MYLK3: variants seen among roughly 807,000 people sequenced by gnomAD.
The protein encoded by MYLK3 is MLC kinase.
Under a neutral mutation model 76.3 loss-of-function variants are expected in MYLK3, and 55 were observed. The ratio of observed to expected loss-of-function variants is 0.72; its 90% CI spans 0.58 to 0.90. The LOEUF (loss-of-function observed/expected upper bound fraction) is 0.90. MYLK3 is among the 40% of genes least tolerant of loss of function. The pLI is 0.00. For synonymous variants in MYLK3, 416 were observed against 425.4 expected, an observed-to-expected ratio of 0.98 and a Z score of 0.27; for missense variants, 973 against 1,053.6, an observed-to-expected ratio of 0.92 and a Z score of 1.06.
At chr16:46,716,518 T>C (rs1966742350) in intron 9 of MYLK3, among the ~76,000 whole-genome samples, 1 of 151,596 alleles carries the variant, frequency 6.6e-6, no homozygotes, top group Non-Finnish European at 1.5e-5. Context: ...TGTGTGTGTG[T>C]GTGTGTGTGT....
At chr16:46,741,423 A>G (rs1170341137) in intron 1 of MYLK3, among the ~76,000 whole-genome samples, 3 of 152,238 alleles carry the variant, frequency 2.0e-5, no homozygotes, top group Non-Finnish European at 1.5e-5. Context: ...CAGAGCCATC[A>G]GTATGCTTAG....
At chr16:46,743,296 T>C (rs968866601) in intron 1 of MYLK3, among the ~76,000 whole-genome samples, 41 of 152,316 alleles carry the variant, frequency 2.7e-4, no homozygotes, top group Admixed American at 1.9e-3. Flanking sequence ...CGCCAGTTGC[T>C]AGGATTTAAT....
intron 3 of MYLK3, among the ~76,000 whole-genome samples, chr16:46,736,465 G>T (rs993776328): frequency 6.6e-6 from 1 of 152,218 alleles, no homozygotes. Flanking sequence ...CCTGAATTCA[G>T]CCAAGGGTTG....
chr16:46,734,172 G>A (rs1008611507), intron 3 of MYLK3, among the ~76,000 whole-genome samples: 2 of 152,132 alleles, frequency 1.3e-5, no homozygotes, highest in African/African-American at 2.4e-5. Context: ...GCCCAGTGAT[G>A]GATAATACAT....
At chr16:46,717,142 G>A (rs1056493805) in intron 9 of MYLK3, among the ~76,000 whole-genome samples, 9 of 152,200 alleles carry the variant, frequency 5.9e-5, no homozygotes, top group African/African-American at 1.7e-4. Context: ...ACCACTGTCT[G>A]GGGGAAGAGA....
chr16:46,745,776 G>T (rs1205438582), intron 1 of MYLK3, among the ~76,000 whole-genome samples: 1 of 152,042 alleles, frequency 6.6e-6, no homozygotes, highest in Non-Finnish European at 1.5e-5. Flanking sequence ...CAGTTCTGGT[G>T]CTACAGATTG....
chr16:46,711,493 T>G (rs1336502185), intron 10 of MYLK3: 3 of 209,336 alleles, frequency 1.4e-5, no homozygotes, highest in African/African-American at 7.6e-5. Context: ...TTCGGTGCAC[T>G]CCAGCCTCAT....
Position 46,712,784 on chromosome 16 carries a change from G to T in MYLK3, c.1986-8C>A. Reference sequence around the variant, plus strand: ...TTCTCTCGAGGCTTGTACCTGGGGAGAAGGGGAGGGTACAAAGAAGCATGG... The same window carrying T: ...TTCTCTCGAGGCTTGTACCTGGGGATAAGGGGAGGGTACAAAGAAGCATGG... On this transcript the variant is annotated splice_region_variant and splice_polypyrimidine_tract_variant and intron_variant, in intron 9 of 12. Transcript: ENST00000394809. The T allele has an allele frequency of 6.3e-7, 1 of 1,582,664 alleles. No individual in the cohort carries two copies. The highest frequency in any genetic ancestry group is 8.6e-7 in the Non-Finnish European group (1 of 1,165,254).
intron 9 of MYLK3, among the ~76,000 whole-genome samples, chr16:46,719,699 T>C (rs1180936868): frequency 6.6e-6 from 1 of 152,164 alleles, no homozygotes; most frequent in Non-Finnish European, 1.5e-5. Flanking sequence ...TAGGACATGC[T>C]GGGCTATGCG....
intron 12 of MYLK3, among the ~76,000 whole-genome samples, chr16:46,708,585 G>T (rs1442620217): frequency 6.6e-6 from 1 of 152,076 alleles, no homozygotes; most frequent in African/African-American, 2.4e-5. Flanking sequence ...CTCCCAAATA[G>T]CTGGAACTAT....
At chr16:46,721,044 G>T (rs1966793972) in intron 9 of MYLK3, 79 bp downstream of exon 9, 7 of 1,255,636 alleles carry the variant, frequency 5.6e-6, no homozygotes, top group South Asian at 4.8e-5. Flanking sequence ...GCATTAGCTG[G>T]GTCAGGAGTA....
At chr16:46,734,509 G>A (rs1231662405) in intron 3 of MYLK3, among the ~76,000 whole-genome samples, 1 of 152,168 alleles carries the variant, frequency 6.6e-6, no homozygotes. Context: ...AGCTACTTGG[G>A]AGGCTGAGGG....
intron 10 of MYLK3, among the ~76,000 whole-genome samples, chr16:46,712,342 C>T (rs563179776): frequency 6.6e-6 from 1 of 152,026 alleles, no homozygotes; most frequent in African/African-American, 2.4e-5. Context: ...CCTTCCTCAC[C>T]GAGAAACAGG....
rs899859935 is a variant in MYLK3, at chr16:46,707,526, G to A, written c.*178C>T. 1.8e-6 allele frequency: 1 copy of A among 544,128 alleles called. No individual in the cohort carries two copies. Among genetic ancestry groups the A allele is most frequent in the Non-Finnish European group, 3.3e-6 (1 of 307,408 alleles). The allele number at this position is 544,128 out of a possible 1,614,324, so 33.7% of individuals were successfully genotyped here. ...TACAAGGCAGAAAAAAACGTTCTTAGGAAGCTTCTTTACAGCCACTTTTCA... is the reference window on the plus strand; with the variant it reads ...TACAAGGCAGAAAAAAACGTTCTTAAGAAGCTTCTTTACAGCCACTTTTCA... On this transcript the variant is annotated 3_prime_UTR_variant, in exon 13 of 13. Coordinates refer to ENST00000394809, the MANE Select transcript of MYLK3 (RefSeq NM_182493.3).
Position 46,747,727 on chromosome 16 carries a change from C to T in MYLK3, c.467G>A (p.Ser156Asn). Reference sequence around the variant, plus strand: ...GAAGCAGGAACCAACCTCCTCAGGGCTGTCACCTGGGCTGCCTCTCCTCCA... The same window carrying T: ...GAAGCAGGAACCAACCTCCTCAGGGTTGTCACCTGGGCTGCCTCTCCTCCA... ...VPWRRGSPGD[S>N]PEENKERVEE... The change falls in exon 1 of 13, where the codon AGC becomes AAC. Residue 156 changes from serine to asparagine, a missense_variant. Ser to Asn is a conservative substitution (Grantham distance 46). Coordinates refer to ENST00000394809, the MANE Select transcript of MYLK3 (RefSeq NM_182493.3). The T allele has an allele frequency of 1.9e-6, 3 of 1,613,338 alleles. No homozygotes were observed. The highest frequency in any genetic ancestry group is 2.5e-6 in the Non-Finnish European group (3 of 1,179,702).
chr16:46,753,384 C>A (rs897675918), intron 1 of MYLK3, among the ~76,000 whole-genome samples: 11 of 152,186 alleles, frequency 7.2e-5, no homozygotes, highest in Admixed American at 7.2e-4. Flanking sequence ...CAGGGGCTGG[C>A]TTTTGGGGTT....
At chr16:46,763,117 G>A (rs536616549) in exon 1 of MYLK3, 36 of 982,994 alleles carry the variant, frequency 3.7e-5, no homozygotes, top group Non-Finnish European at 4.2e-5. Context: ...TATAAATATT[G>A]TTACCTCCAT....
At chr16:46,729,731 C>T in intron 5 of MYLK3, 44 bp from the exon 6 acceptor site, 1 of 1,547,966 alleles carries the variant, frequency 6.5e-7, no homozygotes, top group Non-Finnish European at 8.9e-7. Context: ...CCCAGAGGCT[C>T]ATCCCACACC....
chr16:46,727,439 T>G, intron 7 of MYLK3, 62 bp from the exon 8 acceptor site: 1 of 1,539,638 alleles, frequency 6.5e-7, no homozygotes, highest in Non-Finnish European at 8.8e-7. Flanking sequence ...GCTTGTCCAC[T>G]GTCATTATAG....
Sources: gnomAD v4.1 joint callset for allele counts (sites outside exome capture counted in the v4.1 genomes callset) on GRCh38, gnomAD v4.1.1 for gene constraint, MANE v1.5 for transcripts, NCBI Gene and HGNC (gene_info 2026-07-23, HGNC 2026-07-21) for gene names.